The following CLDN10 variants were observed in gnomAD, a reference collection of about 807,000 sequenced individuals.
CLDN10 encodes the protein claudin 10.
Under a neutral mutation model 22.9 loss-of-function variants are expected in CLDN10, and 15 were observed. That is an observed-to-expected ratio of 0.65 (90% CI 0.44 to 1.01). The LOEUF (loss-of-function observed/expected upper bound fraction) is 1.01, where lower values mean the gene tolerates loss of function less well. CLDN10 is among the 50% of genes least tolerant of loss of function. The pLI, the probability that CLDN10 is intolerant of heterozygous loss-of-function variation, is 0.00. For synonymous variants in CLDN10, 114 were observed against 111.4 expected, an observed-to-expected ratio of 1.02 and a Z score of -0.15; for missense variants, 247 against 287.8, an observed-to-expected ratio of 0.86 and a Z score of 1.03.
chr13:95,506,581 C>T (rs899194201), intron 1 of CLDN10, among the ~76,000 whole-genome samples: 1 of 152,200 alleles, frequency 6.6e-6, no homozygotes, highest in African/African-American at 2.4e-5. Context: ...GAGATTCAAG[C>T]CTCAGGCCCT....
In CLDN10 at chr13:95,461,427, C is replaced by T. The variant is rs530048159; in HGVS notation, c.214+27380C>T. On this transcript the variant is annotated intron_variant, in intron 1 of 4. Coordinates refer to the CLDN10 transcript ENST00000376873. ...TTATTTATGCTAAAAGTCACTTTAC[C>T]TTTTTCCTTTGCCTTTGATTCCTGT... Among the ~76,000 whole-genome samples the T allele has an allele frequency of 4.6e-5, 7 of 152,236 alleles. No individual in the cohort carries two copies. The South Asian group carries it at 1.5e-3, about 32-fold the overall frequency.
At chr13:95,538,153 CTTTTTTTTTTTT>C (rs1176533524) in intron 1 of CLDN10, among the ~76,000 whole-genome samples, 137 of 66,830 alleles carry the variant, frequency 2.0e-3, no homozygotes, top group African/African-American at 7.9e-3. Context: ...CTGTTTATTT[CTTTTTTTTTTTT>C]TTTTTTTTTT....
intron 1 of CLDN10, among the ~76,000 whole-genome samples, chr13:95,469,106 G>A (rs2139098793): frequency 6.7e-6 from 1 of 149,960 alleles, no homozygotes; most frequent in East Asian, 1.9e-4. Flanking sequence ...CAGTTTTTTG[G>A]TTTTGTTTTC....
chr13:95,542,446 T>A (rs1211886503), intron 1 of CLDN10, among the ~76,000 whole-genome samples: 1 of 152,242 alleles, frequency 6.6e-6, no homozygotes, highest in Non-Finnish European at 1.5e-5. Flanking sequence ...TATCCACAAG[T>A]ACGGTTCATC....
chr13:95,478,499 C>A (rs1219684874), intron 1 of CLDN10, among the ~76,000 whole-genome samples: 3 of 152,116 alleles, frequency 2.0e-5, no homozygotes, highest in Non-Finnish European at 2.9e-5. Context: ...TGTGCTGTAC[C>A]AGGACCAGAG....
chr13:95,578,026 G>A lies in CLDN10; in HGVS notation c.*12G>A. The A allele has an allele frequency of 6.8e-7, 1 of 1,474,970 alleles. No homozygotes were observed. Among genetic ancestry groups the A allele is most frequent in the Non-Finnish European group, 9.5e-7 (1 of 1,056,948 alleles). 91.4% of individuals were successfully genotyped at this position (1,474,970 alleles called of 1,614,324 possible). On this transcript the variant is annotated 3_prime_UTR_variant, in exon 5 of 5. Transcript: ENST00000299339. ...ATGCTTATGTCTAAAAGAGCTCGCTGGCAAGCTGCCTCTTGAGTTTGTTAT... is the reference window on the plus strand; with the variant it reads ...ATGCTTATGTCTAAAAGAGCTCGCTAGCAAGCTGCCTCTTGAGTTTGTTAT...
chr13:95,539,109 C>T (rs570964421), intron 1 of CLDN10, among the ~76,000 whole-genome samples: 1 of 152,262 alleles, frequency 6.6e-6, no homozygotes, highest in South Asian at 2.1e-4. Context: ...GAACTCCCGA[C>T]CTCAGGTGAT....
intron 1 of CLDN10, among the ~76,000 whole-genome samples, chr13:95,474,610 G>C (rs962026821): frequency 6.6e-6 from 1 of 152,252 alleles, no homozygotes; most frequent in Non-Finnish European, 1.5e-5. Flanking sequence ...AAGAGAGTAA[G>C]AGAACAAATC....
At chr13:95,527,547 T>C (rs1264236831) in intron 1 of CLDN10, among the ~76,000 whole-genome samples, 2 of 149,552 alleles carry the variant, frequency 1.3e-5, no homozygotes, top group Non-Finnish European at 3.0e-5. Flanking sequence ...CTGGGAAACA[T>C]GGTGGAACCT....
At chr13:95,453,330 C>A (rs1304997084) in intron 1 of CLDN10, among the ~76,000 whole-genome samples, 1 of 152,166 alleles carries the variant, frequency 6.6e-6, no homozygotes, top group South Asian at 2.1e-4. Flanking sequence ...GGGCTGGGCT[C>A]TCATTCCACC....
intron 1 of CLDN10, among the ~76,000 whole-genome samples, chr13:95,469,586 G>C (rs1316394058): frequency 6.6e-6 from 1 of 152,186 alleles, no homozygotes. Context: ...ACTTACCTAA[G>C]ATCTCACCAC....
At chr13:95,531,245 T>C (rs1274972493) in intron 1 of CLDN10, among the ~76,000 whole-genome samples, 1 of 152,168 alleles carries the variant, frequency 6.6e-6, no homozygotes, top group African/African-American at 2.4e-5. Flanking sequence ...TAACAAAATA[T>C]GGTAGACTTT....
chr13:95,473,422 T>G (rs2042655430), intron 1 of CLDN10, among the ~76,000 whole-genome samples: 1 of 152,140 alleles, frequency 6.6e-6, no homozygotes, highest in African/African-American at 2.4e-5. Context: ...TAACAAGGGC[T>G]GAGGAAGAGA....
At chr13:95,550,501 A>G (rs1461047309), upstream of CLDN10, among the ~76,000 whole-genome samples, 1 of 152,246 alleles carries the variant, frequency 6.6e-6, no homozygotes, top group African/African-American at 2.4e-5. Flanking sequence ...CACGGTAAAC[A>G]AAGGGACTAT....
At chr13:95,504,533 C>G (rs767905288) in intron 1 of CLDN10, among the ~76,000 whole-genome samples, 1 of 152,080 alleles carries the variant, frequency 6.6e-6, no homozygotes, top group Non-Finnish European at 1.5e-5. Context: ...GCATGTGCCA[C>G]CACGCCCAGC....
chr13:95,558,088 T>C (rs2138653977), intron 1 of CLDN10, among the ~76,000 whole-genome samples: 1 of 152,338 alleles, frequency 6.6e-6, no homozygotes, highest in East Asian at 1.9e-4. Context: ...GTTTATTTAA[T>C]GACTGCAGTC....
At chr13:95,484,881 A>G (rs71432041) in intron 1 of CLDN10, among the ~76,000 whole-genome samples, 64,580 of 128,374 alleles carry the variant, frequency 0.5, 17,112 homozygotes, top group Middle Eastern at 0.66. Flanking sequence ...AAAAAAAAAA[A>G]AAAAAAAAAA....
chr13:95,574,539 G>A (rs1169851496), intron 3 of CLDN10, among the ~76,000 whole-genome samples: 1 of 152,198 alleles, frequency 6.6e-6, no homozygotes. Flanking sequence ...GGAGGCTGAG[G>A]TGGGTGGATC....
intron 1 of CLDN10, among the ~76,000 whole-genome samples, chr13:95,529,261 T>C (rs1032770268): frequency 2.0e-5 from 3 of 152,218 alleles, no homozygotes; most frequent in African/African-American, 7.2e-5. Flanking sequence ...TTGATCCATT[T>C]ATTTCTTCAA....
Sources: allele counts gnomAD v4.1 joint callset (sites outside exome capture counted in the v4.1 genomes callset), GRCh38; gene constraint gnomAD v4.1.1; transcripts MANE v1.5; gene names NCBI Gene and HGNC (gene_info 2026-07-23, HGNC 2026-07-21).